SDC2: variants seen among roughly 807,000 people sequenced by gnomAD.
SDC2 encodes syndecan 2, also known as syndecan-2.
In SDC2, 13 loss-of-function variants were observed where a neutral mutation model predicts 22.2. That is an observed-to-expected ratio of 0.59 (90% CI 0.38 to 0.93). SDC2 has a LOEUF of 0.93. SDC2 is among the 40% of genes least tolerant of loss of function. The pLI is 0.00. For missense variants in SDC2, 235 were observed against 246.8 expected (o/e 0.95, Z 0.32); for synonymous variants, 94 against 92.8 (o/e 1.01, Z -0.07).
chr8:96,560,109 C>A (rs1814183583), intron 1 of SDC2, among the ~76,000 whole-genome samples: 1 of 152,148 alleles, frequency 6.6e-6, no homozygotes, highest in Non-Finnish European at 1.5e-5. Context: ...CCCTGAAAAA[C>A]CTGTGTCCAT....
chr8:96,576,737 C>CT (rs1327607570), intron 1 of SDC2, among the ~76,000 whole-genome samples: 14 of 151,912 alleles, frequency 9.2e-5, no homozygotes, highest in Admixed American at 2.6e-4. Context: ...TTATATACAG[C>CT]TTTTTTTTGT....
At chr8:96,585,195 GT>G (rs1380309029) in intron 1 of SDC2, among the ~76,000 whole-genome samples, 1 of 152,206 alleles carries the variant, frequency 6.6e-6, no homozygotes, top group Non-Finnish European at 1.5e-5. Context: ...TAATGCAAGT[GT>G]TTTGAAATTC....
At chr8:96,600,606 T>A (rs1263167080) in intron 2 of SDC2, among the ~76,000 whole-genome samples, 1 of 152,148 alleles carries the variant, frequency 6.6e-6, no homozygotes, top group Non-Finnish European at 1.5e-5. Context: ...GTGGTGGCCC[T>A]GGAACTGTAG....
intron 1 of SDC2, among the ~76,000 whole-genome samples, chr8:96,530,155 A>G (rs1322080023): frequency 1.3e-5 from 2 of 152,210 alleles, no homozygotes; most frequent in Non-Finnish European, 2.9e-5. Flanking sequence ...ATTGACTCCT[A>G]ACATTTTAAT....
At chr8:96,593,395 C>A in intron 1 of SDC2, 85 bp from the exon 2 acceptor site, 1 of 856,486 alleles carries the variant, frequency 1.2e-6, no homozygotes, top group Non-Finnish European at 1.9e-6. Context: ...GGGGTAGTCA[C>A]TGCAGTATGT....
At chr8:96,568,772 G>A (rs1367197773) in intron 1 of SDC2, among the ~76,000 whole-genome samples, 1 of 152,150 alleles carries the variant, frequency 6.6e-6, no homozygotes, top group Non-Finnish European at 1.5e-5. Flanking sequence ...GAGAAACTAG[G>A]GGAAAAGTGA....
intron 1 of SDC2, among the ~76,000 whole-genome samples, chr8:96,570,847 T>G (rs925462885): frequency 1.3e-5 from 2 of 152,182 alleles, no homozygotes; most frequent in Non-Finnish European, 2.9e-5. Context: ...TTTATTGCAC[T>G]TATGAGGTAA....
In SDC2 at chr8:96,596,614, C is replaced by T. The variant is rs535853493; in HGVS notation, c.172+3023C>T. The stretch of plus-strand genomic sequence containing the variant: ...CATGAGAAATAATCATTGTGATACC[C>T]GGTGAGGGGTGACATAATATAGGAA... On this transcript the variant is annotated intron_variant, in intron 2 of 4. Transcript: ENST00000302190. Among the ~76,000 whole-genome samples the T allele has an allele frequency of 1.5e-4, 23 of 152,208 alleles. No individual in the cohort carries two copies. In the South Asian group the frequency reaches 3.9e-3, roughly 26 times the overall value.
Position 96,532,412 on chromosome 8 carries a change from GTTTTTTT to G in SDC2, c.60+38098_60+38104del, listed in dbSNP as rs35452131. Among the ~76,000 whole-genome samples, 18 of 47,944 alleles carry G rather than the reference GTTTTTTT, an allele frequency of 3.8e-4. No homozygotes were observed. In the East Asian group the frequency reaches 7.3e-3, roughly 20 times the overall value. 31.5% of individuals were successfully genotyped at this position (47,944 alleles called of 152,430 possible). A position where few individuals can be genotyped will look rare whatever the true frequency, so the allele number is the denominator to read the frequency against. On this transcript the variant is annotated intron_variant, in intron 1 of 4. Transcript: ENST00000302190. Reference sequence around the variant, plus strand: ...CCTGAGTCTCTCTGCTTATTGAGGCGTTTTTTTTTTTTTTTTTTTTTTTGGTAGGGCT... The same window carrying G: ...CCTGAGTCTCTCTGCTTATTGAGGCGTTTTTTTTTTTTTTTTGGTAGGGCT...
intron 2 of SDC2, 110 bp from the exon 3 acceptor site, chr8:96,602,284 AT>A (rs1815001405): frequency 8.8e-7 from 1 of 1,137,518 alleles, no homozygotes; most frequent in Non-Finnish European, 1.3e-6. Context: ...AAGAGCCAGC[AT>A]TTTGAAAGAA....
chr8:96,571,783 C>G (rs1814399321), intron 1 of SDC2, among the ~76,000 whole-genome samples: 1 of 152,172 alleles, frequency 6.6e-6, no homozygotes, highest in Non-Finnish European at 1.5e-5. Flanking sequence ...AAGACAGTAC[C>G]TTGAACATTT....
intron 1 of SDC2, among the ~76,000 whole-genome samples, chr8:96,573,086 C>G (rs2130587054): frequency 6.6e-6 from 1 of 152,236 alleles, no homozygotes; most frequent in East Asian, 1.9e-4. Flanking sequence ...GATGCATCTG[C>G]ATAAATATAA....
At chr8:96,532,812 A>C (rs1813687649) in intron 1 of SDC2, among the ~76,000 whole-genome samples, 1 of 152,086 alleles carries the variant, frequency 6.6e-6, no homozygotes, top group African/African-American at 2.4e-5. Context: ...CATCTTCTAG[A>C]GGTGCTGTAA....
chr8:96,577,757 A>G (rs116578142), intron 1 of SDC2, among the ~76,000 whole-genome samples: 3,229 of 152,016 alleles, frequency 0.021, 111 homozygotes, highest in African/African-American at 0.075. Flanking sequence ...CTTCCCCTGA[A>G]CCCCTGGCAA....
At chr8:96,537,224 A>G (rs1381630559) in intron 1 of SDC2, 1 of 152,200 alleles carries the variant, frequency 6.6e-6, no homozygotes, top group African/African-American at 2.4e-5. Flanking sequence ...CTTCTTACCA[A>G]AAGAATTTAT....
chr8:96,546,376 T>C (rs1813932277), intron 1 of SDC2, among the ~76,000 whole-genome samples: 1 of 152,216 alleles, frequency 6.6e-6, no homozygotes, highest in Non-Finnish European at 1.5e-5. Flanking sequence ...GATGATTTAG[T>C]ACTTGGCTCA....
chr8:96,546,972 C>T (rs1586292705), intron 1 of SDC2, among the ~76,000 whole-genome samples: 1 of 152,200 alleles, frequency 6.6e-6, no homozygotes, highest in South Asian at 2.1e-4. Flanking sequence ...ATTCTGTCTG[C>T]TGATGGTAAC....
chr8:96,534,950 G>A (rs1189410991), intron 1 of SDC2, among the ~76,000 whole-genome samples: 1 of 151,880 alleles, frequency 6.6e-6, no homozygotes, highest in Non-Finnish European at 1.5e-5. Context: ...AAATAGGGTT[G>A]CTAGATAAAA....
intron 1 of SDC2, chr8:96,580,399 T>G: frequency 1.0e-6 from 1 of 985,486 alleles, no homozygotes; most frequent in South Asian, 4.7e-5. Flanking sequence ...GTCAAAGGGA[T>G]AATGCAACCG....
Sources: gnomAD v4.1 joint callset for allele counts (sites outside exome capture counted in the v4.1 genomes callset) on GRCh38, gnomAD v4.1.1 for gene constraint, MANE v1.5 for transcripts, NCBI Gene and HGNC (gene_info 2026-07-23, HGNC 2026-07-21) for gene names.